ZNF83: variants seen among roughly 807,000 people sequenced by gnomAD.
The protein encoded by ZNF83 is zinc finger protein 816B.
For missense variants in ZNF83, 552 were observed against 629.9 expected (o/e 0.88, Z 1.32); for synonymous variants, 209 against 213.0 (o/e 0.98, Z 0.17).
At chr19:52,632,898 A>G (rs968107389) in intron 2 of ZNF83, among the ~76,000 whole-genome samples, 1 of 152,098 alleles carries the variant, frequency 6.6e-6, no homozygotes, top group Non-Finnish European at 1.5e-5. Context: ...CTCCCACTCT[A>G]GGTTCCCACG....
At chr19:52,631,292 ACTC>A (rs1171085707) in intron 2 of ZNF83, among the ~76,000 whole-genome samples, 2 of 151,274 alleles carry the variant, frequency 1.3e-5, no homozygotes, top group Non-Finnish European at 1.5e-5. Context: ...CAAAACAACA[ACTC>A]CTTTCCTTCC....
chr19:52,630,782 T>A (rs924546206), intron 2 of ZNF83, among the ~76,000 whole-genome samples: 1 of 152,068 alleles, frequency 6.6e-6, no homozygotes, highest in African/African-American at 2.4e-5. Flanking sequence ...CAGCACGCTT[T>A]AAAAATATTA....
intron 2 of ZNF83, chr19:52,618,946 C>G (rs201971621): frequency 1.3e-6 from 2 of 1,547,456 alleles, no homozygotes; most frequent in South Asian, 1.1e-5. Flanking sequence ...CCAGGGAGAC[C>G]AGGTTCCTAT....
At chr19:52,664,294 G>A (rs2061618223) in intron 1 of ZNF83, among the ~76,000 whole-genome samples, 1 of 151,566 alleles carries the variant, frequency 6.6e-6, no homozygotes, top group Admixed American at 6.6e-5. Flanking sequence ...CCTAGAGTTC[G>A]AGACCAGCCT....
chr19:52,630,817 C>T (rs2060928772), intron 2 of ZNF83, among the ~76,000 whole-genome samples: 1 of 152,120 alleles, frequency 6.6e-6, no homozygotes, highest in Non-Finnish European at 1.5e-5. Flanking sequence ...TCGCCTGTTA[C>T]AGCATGGCCT....
intron 2 of ZNF83, among the ~76,000 whole-genome samples, chr19:52,619,311 G>A (rs571132125): frequency 6.6e-6 from 1 of 152,228 alleles, no homozygotes; most frequent in South Asian, 2.1e-4. Context: ...ATAAATAGAT[G>A]CCTGGTTCCC....
intron 1 of ZNF83, among the ~76,000 whole-genome samples, chr19:52,663,889 C>T (rs1281479390): frequency 6.6e-6 from 1 of 152,146 alleles, no homozygotes; most frequent in Admixed American, 6.5e-5. Flanking sequence ...ATTTATTTTA[C>T]TTTATTTTAT....
chr19:52,664,905 A>G (rs1325876949), intron 1 of ZNF83, among the ~76,000 whole-genome samples: 1 of 152,128 alleles, frequency 6.6e-6, no homozygotes, highest in East Asian at 1.9e-4. Context: ...ACAGCTCAGG[A>G]GTCAGGGAAA....
At chr19:52,623,775 C>G (rs945169153) in intron 2 of ZNF83, among the ~76,000 whole-genome samples, 10 of 152,126 alleles carry the variant, frequency 6.6e-5, no homozygotes, top group Non-Finnish European at 2.9e-5. Context: ...CACTCGCCTG[C>G]TACAGCATGA....
intron 1 of ZNF83, among the ~76,000 whole-genome samples, chr19:52,687,024 A>G (rs1413618189): frequency 6.6e-6 from 1 of 151,894 alleles, no homozygotes; most frequent in Non-Finnish European, 1.5e-5. Context: ...TCTACTAAAA[A>G]TACAAAATTG....
intron 2 of ZNF83, among the ~76,000 whole-genome samples, chr19:52,620,591 A>G (rs983612208): frequency 3.3e-5 from 5 of 152,202 alleles, no homozygotes; most frequent in Admixed American, 2.0e-4. Flanking sequence ...ATATTTACTA[A>G]TATGAGAACA....
Position 52,613,842 on chromosome 19 carries a change from C to T in ZNF83, c.723G>A (p.Val241=), listed in dbSNP as rs200962949. ...GTACAAGGTAGGAATTGCGACTGAA[C>T]ACCTTGCCACATTTGTTACATTCGT... Residue 241 remains valine, a synonymous_variant, in exon 3 of 3, where the codon GTG becomes GTA. Coordinates refer to ENST00000301096, the Ensembl canonical transcript of ZNF83. The T allele has an allele frequency of 2.1e-5, 34 of 1,613,582 alleles. 1 individual carries two copies. In the Middle Eastern group the frequency reaches 2.3e-3, roughly 110 times the overall value.
chr19:52,625,922 ACTT>A (rs1388451444), intron 2 of ZNF83, among the ~76,000 whole-genome samples: 3 of 151,922 alleles, frequency 2.0e-5, no homozygotes, highest in African/African-American at 2.4e-5. Context: ...CTCTTTTAGC[ACTT>A]CTTCTCATCT....
intron 1 of ZNF83, among the ~76,000 whole-genome samples, chr19:52,665,440 A>T (rs2061637209): frequency 6.6e-6 from 1 of 152,088 alleles, no homozygotes; most frequent in South Asian, 2.1e-4. Context: ...AAAAGCACTG[A>T]CCTTGTAACA....
chr19:52,628,591 G>T (rs1453954115), intron 2 of ZNF83, among the ~76,000 whole-genome samples: 2 of 152,200 alleles, frequency 1.3e-5, no homozygotes, highest in African/African-American at 2.4e-5. Context: ...ATTCACCCAG[G>T]TTTCAGAGGT....
In ZNF83 at chr19:52,676,374, C is replaced by T. The variant is rs56395652; in HGVS notation, c.-283+14069G>A. 6.4e-3 allele frequency among the ~76,000 whole-genome samples: 977 copies of T among 152,172 alleles called. 6 individuals are homozygous for T. Among genetic ancestry groups the T allele is most frequent in the African/African-American group, 0.022 (918 of 41,524 alleles). ...CGCCTGCCTTGGCCTCCCAAAGTGC[C>T]GAGATTGCAGCCTCTGCCCGGCCGC... is the stretch of plus-strand genomic sequence containing the variant. On this transcript the variant is annotated intron_variant, in intron 1 of 5. Transcript: ENST00000594682.
At position 52,678,058 on chromosome 19, in the gene ZNF83, A is replaced by C. The variant is rs114078103; in HGVS notation, c.-283+12385T>G. On this transcript the variant is annotated intron_variant, in intron 1 of 5. Coordinates refer to the ZNF83 transcript ENST00000594682. ...AAAAAACAAAACAAAACAAAAAACA[A>C]AACAAAACAGACCCAGATGGAGATT... 7.7e-3 allele frequency among the ~76,000 whole-genome samples: 1,167 copies of C among 151,636 alleles called. 19 individuals are homozygous for C. The highest frequency in any genetic ancestry group is 0.026 in the African/African-American group (1,089 of 41,238).
At chr19:52,613,409 A>C (rs1319642768) in exon 3 of ZNF83, 1 of 1,613,754 alleles carries the variant, frequency 6.2e-7, no homozygotes, top group Admixed American at 1.7e-5. Context: ...ACAAGATGTG[A>C]ATTTTGACTG....
At chr19:52,673,392 A>G (rs1018990533) in intron 1 of ZNF83, among the ~76,000 whole-genome samples, 5 of 152,168 alleles carry the variant, frequency 3.3e-5, no homozygotes, top group Non-Finnish European at 7.3e-5. Context: ...AATCTCAGAT[A>G]TTCAGGAGGC....
Sources: gnomAD v4.1 joint callset for allele counts (sites outside exome capture counted in the v4.1 genomes callset) on GRCh38, gnomAD v4.1.1 for gene constraint, MANE v1.5 for transcripts, NCBI Gene and HGNC (gene_info 2026-07-23, HGNC 2026-07-21) for gene names.